Variants in TENM3 observed in about 807,000 individuals in gnomAD.
TENM3 encodes the protein teneurin transmembrane protein 3, also known as teneurin-3.
Under a neutral mutation model 255.1 loss-of-function variants are expected in TENM3, and 63 were observed. That is an observed-to-expected ratio of 0.25 (90% CI 0.20 to 0.30). The LOEUF (loss-of-function observed/expected upper bound fraction) is 0.30, where lower values mean the gene tolerates loss of function less well. Among genes scored for constraint, TENM3 ranks in the 10% least tolerant of loss-of-function variants. The probability of loss-of-function intolerance (pLI) is 1.00; values close to 1 mark genes in which losing one functional copy is unlikely to be tolerated. For synonymous variants in TENM3, 1,306 were observed against 1,322.3 expected (o/e 0.99, Z 0.27); for missense variants, 2,929 against 3,461.1 (o/e 0.85, Z 3.86).
the TENM3 span, among the ~76,000 whole-genome samples, chr4:181,635,689 C>T: frequency 2.0e-5 from 3 of 152,210 alleles, no homozygotes; most frequent in Non-Finnish European, 4.4e-5. Context: ...CTACCACTTC[C>T]GCTTTCAACC....
At chr4:182,653,719 G>A (rs1753523083) in intron 5 of TENM3, 52 bp from the exon 6 acceptor site, 18 of 1,530,920 alleles carry the variant, frequency 1.2e-5, no homozygotes, top group Admixed American at 6.2e-5. Flanking sequence ...AGCAATTGCC[G>A]TTGTAGCTGA....
chr4:181,913,694 G>T, the TENM3 span, among the ~76,000 whole-genome samples: 1 of 152,104 alleles, frequency 6.6e-6, no homozygotes, highest in East Asian at 1.9e-4. Flanking sequence ...GAAACTAGGG[G>T]CAAGGAGGGT....
intron 1 of TENM3, among the ~76,000 whole-genome samples, chr4:182,212,003 C>G (rs1305501997): frequency 3.9e-5 from 6 of 152,094 alleles, no homozygotes; most frequent in African/African-American, 1.4e-4. Flanking sequence ...TAGCTCTACT[C>G]TAATATATAT....
the TENM3 span, among the ~76,000 whole-genome samples, chr4:181,673,845 G>GGTGT: frequency 0.015 from 2,064 of 137,290 alleles, 48 homozygotes; most frequent in African/African-American, 0.048. Flanking sequence ...AGAAGTGTGT[G>GGTGT]GTGTGTGTGT....
intron 1 of TENM3, among the ~76,000 whole-genome samples, chr4:182,171,916 A>ATTTT (rs35065408): frequency 6.7e-6 from 1 of 149,814 alleles, no homozygotes; most frequent in Non-Finnish European, 1.5e-5. Context: ...TGTATCTTTG[A>ATTTT]TTTTTTTTTT....
the TENM3 span, among the ~76,000 whole-genome samples, chr4:181,765,030 C>T: frequency 6.6e-6 from 1 of 152,124 alleles, no homozygotes; most frequent in Non-Finnish European, 1.5e-5. Context: ...AATCATCATG[C>T]TCCCTAAGAA....
the TENM3 span, among the ~76,000 whole-genome samples, chr4:181,866,551 C>T: frequency 6.6e-6 from 1 of 152,124 alleles, no homozygotes; most frequent in Non-Finnish European, 1.5e-5. Context: ...CCTAGCCAGG[C>T]TAAGTCCTGA....
intron 22 of TENM3, 27 bp downstream of exon 22, chr4:182,755,286 T>A (rs750255668): frequency 6.6e-7 from 1 of 1,507,670 alleles, no homozygotes; most frequent in South Asian, 1.3e-5. Flanking sequence ...TCTACTCTGA[T>A]TATAAAATAC....
the TENM3 span, among the ~76,000 whole-genome samples, chr4:182,067,029 A>T: frequency 1.3e-5 from 2 of 152,258 alleles, no homozygotes; most frequent in Middle Eastern, 3.4e-3. Context: ...CCTACTGTGG[A>T]TACCTCTGTT....
the TENM3 span, among the ~76,000 whole-genome samples, chr4:181,760,761 A>G: frequency 1.3e-5 from 2 of 149,202 alleles, no homozygotes; most frequent in African/African-American, 2.6e-5. Flanking sequence ...TCCCTTGAGA[A>G]TCATATGGTT....
chr4:182,521,921 C>G (rs1237203744), intron 3 of TENM3, among the ~76,000 whole-genome samples: 1 of 152,074 alleles, frequency 6.6e-6, no homozygotes, highest in Non-Finnish European at 1.5e-5. Flanking sequence ...CTAGATCAAA[C>G]AGAAAATAGT....
intron 3 of TENM3, among the ~76,000 whole-genome samples, chr4:182,453,028 A>G (rs34983034): frequency 4.5e-3 from 28 of 6,230 alleles, no homozygotes; most frequent in Admixed American, 0.016. Context: ...TTATATGTGT[A>G]TATATATATA....
intron 1 of TENM3, among the ~76,000 whole-genome samples, chr4:182,161,772 TATATATATACACAA>T (rs1751276371): frequency 1.9e-4 from 1 of 5,264 alleles, no homozygotes; most frequent in African/African-American, 8.8e-4. Flanking sequence ...TATATGTGTA[TATATATATACACAA>T]ATATATGTAT....
the TENM3 span, among the ~76,000 whole-genome samples, chr4:181,465,458 G>A: frequency 1.3e-5 from 2 of 152,214 alleles, no homozygotes; most frequent in East Asian, 1.9e-4. Context: ...CCTTTGTGTT[G>A]ATTATTCTTG....
intron 1 of TENM3, among the ~76,000 whole-genome samples, chr4:182,199,864 C>T (rs1357571001): frequency 6.6e-6 from 1 of 151,302 alleles, no homozygotes; most frequent in Non-Finnish European, 1.5e-5. Flanking sequence ...AGTAGTGGAA[C>T]TTTAGGCTCA....
intron 3 of TENM3, among the ~76,000 whole-genome samples, chr4:182,417,031 T>C (rs75506434): frequency 1.3e-5 from 2 of 152,292 alleles, no homozygotes; most frequent in East Asian, 1.9e-4. Context: ...TGGAGTGCGG[T>C]GGTGCGATCT....
At chr4:182,571,843 G>C (rs1744407081) in intron 3 of TENM3, among the ~76,000 whole-genome samples, 1 of 152,096 alleles carries the variant, frequency 6.6e-6, no homozygotes, top group Non-Finnish European at 1.5e-5. Context: ...AAATTGTTGT[G>C]AAACAAAAAC....
chr4:181,511,164 G>A, the TENM3 span, among the ~76,000 whole-genome samples: 33 of 152,290 alleles, frequency 2.2e-4, no homozygotes, highest in Admixed American at 2.0e-3. Flanking sequence ...CTCTGTTTAG[G>A]AAGAAAAATT....
At chr4:181,456,123 A>ATG in the TENM3 span, among the ~76,000 whole-genome samples, 7 of 93,392 alleles carry the variant, frequency 7.5e-5, no homozygotes, top group African/African-American at 2.6e-4. Context: ...GTATATATAT[A>ATG]TATATGTGTG....
Sources: allele counts gnomAD v4.1 joint callset (sites outside exome capture counted in the v4.1 genomes callset), GRCh38; gene constraint gnomAD v4.1.1; transcripts MANE v1.5; gene names NCBI Gene and HGNC (gene_info 2026-07-23, HGNC 2026-07-21).